ZSCAN32: variants seen among roughly 807,000 people sequenced by gnomAD.
ZSCAN32 encodes the protein zinc finger and SCAN domain containing 32.
In ZSCAN32, 52 loss-of-function variants were observed where a neutral mutation model predicts 47.4. The ratio of observed to expected loss-of-function variants is 1.10; its 90% CI spans 0.88 to 1.38. ZSCAN32 has a LOEUF of 1.38. Among genes scored for constraint, ZSCAN32 ranks in the 40% most tolerant of loss-of-function variants. The pLI, the probability that ZSCAN32 is intolerant of heterozygous loss-of-function variation, is 0.00. For synonymous variants in ZSCAN32, 346 were observed against 305.7 expected (o/e 1.13, Z -1.38); for missense variants, 959 against 846.0 (o/e 1.13, Z -1.66).
At position 3,383,714 on chromosome 16, in the gene ZSCAN32, GAAA is replaced by G; in HGVS notation, c.1235-6_1235-4del. 4.9e-6 allele frequency: 6 copies of G among 1,218,662 alleles called. No individual in the cohort carries two copies. In the South Asian group the frequency reaches 7.9e-5, roughly 16 times the overall value. 75.5% of individuals were successfully genotyped at this position (1,218,662 alleles called of 1,614,324 possible). A position where few individuals can be genotyped will look rare whatever the true frequency, so the allele number is the denominator to read the frequency against. ...AATCTCGTTCTTGAACTCAAAACCT[GAAA>G]AAAAAAAACCCCACAGAAATACAAT... On this transcript the variant is annotated splice_region_variant and splice_polypyrimidine_tract_variant and intron_variant, in intron 6 of 6. Coordinates refer to ENST00000396852, the MANE Select transcript of ZSCAN32 (RefSeq NM_001284527.2).
intron 3 of ZSCAN32, among the ~76,000 whole-genome samples, chr16:3,392,936 T>C (rs1274544510): frequency 2.6e-5 from 4 of 151,106 alleles, no homozygotes; most frequent in African/African-American, 9.7e-5. Flanking sequence ...TGGAAAAGAT[T>C]AAGTTGGATG....
At position 3,393,768 on chromosome 16, in the gene ZSCAN32, G is replaced by A; in HGVS notation, c.413C>T (p.Ala138Val). 1 of 1,550,178 alleles carries A rather than the reference G, an allele frequency of 6.5e-7. No homozygotes were observed. The highest frequency in any genetic ancestry group is 8.7e-7 in the Non-Finnish European group (1 of 1,146,804). Residue 138 changes from alanine (A) to valine (V), a missense_variant, in exon 3 of 7, where the codon GCC (alanine) becomes GTC (valine). Physicochemically the swap from Ala to Val is moderately conservative, Grantham distance 64. Coordinates refer to ENST00000396852, the MANE Select transcript of ZSCAN32 (RefSeq NM_001284527.2). ...TGATTCTCTGGTTGCTCCCAAAGGG[G>A]CCATCTCCTTCATGAGTACTTTCAA... is the stretch of plus-strand genomic sequence containing the variant. Reference protein sequence around the residue: ...KDLKVLMKEMAPLGATRESLR... With the variant: ...KDLKVLMKEMVPLGATRESLR...
rs1181364879 is a variant in ZSCAN32 at position 3,383,086 on chromosome 16, G to A, written c.1860C>T (p.Phe620=). The A allele has an allele frequency of 1.2e-6, 2 of 1,614,074 alleles. No individual in the cohort carries two copies. Among genetic ancestry groups the A allele is most frequent in the African/African-American group, 2.7e-5 (2 of 74,918 alleles). ...CAGTGTGGATGCGCCGGTGAGCACT[G>A]AACTGGGAACTGTTGTTGAATCTCT... ...CGKRFNNSSQ[F]SAHRRIHTGE... The change falls in exon 7 of 7, where the codon TTC becomes TTT. Residue 620 remains phenylalanine, a synonymous_variant. Transcript: ENST00000396852.
chr16:3,384,763 G>C lies in ZSCAN32; in HGVS notation c.930C>G (p.Phe310Leu), dbSNP rs1240215110. The C allele has an allele frequency of 3.1e-6, 5 of 1,614,192 alleles. No homozygotes were observed. The highest frequency in any genetic ancestry group is 4.2e-6 in the Non-Finnish European group (5 of 1,180,040). ...LRTPEQCRTK[F>L]KSLQLSYRKV... ...TGCGGTAACTCAACTGTAGGCTTTT[G>C]AACTTGGTGCGACACTGTTCTGGGG... The change falls in exon 6 of 7, where the codon TTC becomes TTG. Residue 310 changes from phenylalanine (F) to leucine (L), a missense_variant. Transcript: ENST00000396852.
Position 3,397,377 on chromosome 16 carries a change from G to A in ZSCAN32, c.181C>T (p.Leu61Phe), listed in dbSNP as rs1415310844. ...TTCGGCCTCAGCCACTGACAACAGA[G>A]TTCCCAGAGTTTGCTAAAAGCTTCA... Reference protein sequence around the residue: ...PHEAFSKLWELCCQWLRPKTH... With the variant: ...PHEAFSKLWEFCCQWLRPKTH... Residue 61 changes from leucine (L) to phenylalanine (F), a missense_variant, in exon 2 of 7, where the codon CTC becomes TTC. Transcript: ENST00000396852. 2.6e-6 allele frequency: 4 copies of A among 1,555,364 alleles called. No individual in the cohort carries two copies. The highest frequency in any genetic ancestry group is 1.2e-5 in the South Asian group (1 of 84,426).
chr16:3,383,585 C>T lies in ZSCAN32; in HGVS notation c.1361G>A (p.Gly454Asp), dbSNP rs573126996. 6.2e-7 allele frequency: 1 copy of T among 1,613,880 alleles called. No homozygotes were observed. The highest frequency in any genetic ancestry group is 2.2e-5 in the East Asian group (1 of 44,894). Residue 454 changes from glycine (G) to aspartate (D), a missense_variant, in exon 7 of 7, where the codon GGC becomes GAC. Gly to Asp is a moderately conservative substitution (Grantham distance 94, BLOSUM62 -1). Transcript: ENST00000396852. ...TCTTGATGTTGGCTCACTCTCCAAG[C>T]CTTTTTGTAGCTCAGAGTGCCAATA... is the stretch of plus-strand genomic sequence containing the variant. ...GVYWHSELQK[G>D]LESEPTSRRQ... is the part of the protein sequence containing the mutation.
chr16:3,397,689 G>T lies in ZSCAN32; in HGVS notation c.-132C>A. 2.4e-6 allele frequency: 3 copies of T among 1,226,216 alleles called. No homozygotes were observed. The highest frequency in any genetic ancestry group is 3.3e-6 in the Non-Finnish European group (3 of 908,718). The allele number at this position is 1,226,216 out of a possible 1,614,324, so 76.0% of individuals were successfully genotyped here. ...TCTGTAATCCGTGGGACATGAGAGT[G>T]TCAGACATGTGTAGAGACTCACAGC... On this transcript the variant is annotated 5_prime_UTR_variant, in exon 2 of 7. Transcript: ENST00000396852.
rs559354766 is a variant in ZSCAN32, at chr16:3,386,318, T to C, written c.752-1377A>G. Among the ~76,000 whole-genome samples, 32 of 152,210 alleles carry C rather than the reference T, an allele frequency of 2.1e-4. No individual in the cohort carries two copies. In the East Asian group the frequency reaches 5.0e-3, roughly 24 times the overall value. ...AGGTGCTGGAGAGGATGTGGAGAAATAGGAACACTTTTACACTGTTGGTGG... is the reference window on the plus strand; with the variant it reads ...AGGTGCTGGAGAGGATGTGGAGAAACAGGAACACTTTTACACTGTTGGTGG... On this transcript the variant is annotated intron_variant, in intron 5 of 6. Coordinates refer to ENST00000396852, the MANE Select transcript of ZSCAN32 (RefSeq NM_001284527.2).
At chr16:3,400,690 A>G (rs2033814199) in intron 1 of ZSCAN32, among the ~76,000 whole-genome samples, 2 of 152,212 alleles carry the variant, frequency 1.3e-5, no homozygotes, top group Non-Finnish European at 2.9e-5. Flanking sequence ...CAGGGACGAG[A>G]TGAGCAGGGT....
At chr16:3,392,501 T>C (rs998733756) in intron 3 of ZSCAN32, among the ~76,000 whole-genome samples, 2 of 151,938 alleles carry the variant, frequency 1.3e-5, no homozygotes, top group African/African-American at 4.8e-5. Flanking sequence ...GCATAAGCCA[T>C]TGTACCCAGC....
In ZSCAN32 at chr16:3,382,843, C is replaced by T. The variant is rs534266897; in HGVS notation, c.*9G>A. 6.5e-6 allele frequency: 10 copies of T among 1,543,020 alleles called. No homozygotes were observed. In the South Asian group the frequency reaches 8.7e-5, roughly 13 times the overall value. On this transcript the variant is annotated 3_prime_UTR_variant, in exon 7 of 7. Coordinates refer to ENST00000396852, the MANE Select transcript of ZSCAN32 (RefSeq NM_001284527.2). ...CTGAGGAACTTAATCTGACAGTTTA[C>T]CGACACACTCATAACGCATCTCTTC...
At chr16:3,389,333 C>A (rs926361290) in intron 5 of ZSCAN32, among the ~76,000 whole-genome samples, 7 of 152,126 alleles carry the variant, frequency 4.6e-5, no homozygotes, top group Non-Finnish European at 2.9e-5. Context: ...TTGTGTAGTC[C>A]CTCCCACCCT....
rs1005882663 is a variant in ZSCAN32 at position 3,386,847 on chromosome 16, C to T, written c.752-1906G>A. ...TGGAGATATACCTAATGTTAAATGACGAGTTCATGGGTGCAGCACACCAAC... is the reference window on the plus strand; with the variant it reads ...TGGAGATATACCTAATGTTAAATGATGAGTTCATGGGTGCAGCACACCAAC... On this transcript the variant is annotated intron_variant, in intron 5 of 6. Coordinates refer to ENST00000396852, the MANE Select transcript of ZSCAN32 (RefSeq NM_001284527.2). 4.6e-5 allele frequency among the ~76,000 whole-genome samples: 7 copies of T among 150,970 alleles called. No individual in the cohort carries two copies. The East Asian group carries it at 7.8e-4, about 17-fold the overall frequency.
At position 3,383,009 on chromosome 16, in the gene ZSCAN32, G is replaced by A; in HGVS notation, c.1937C>T (p.Ser646Phe). 1 of 1,614,058 alleles carries A rather than the reference G, an allele frequency of 6.2e-7. No homozygotes were observed. Among genetic ancestry groups the A allele is most frequent in the Non-Finnish European group, 8.5e-7 (1 of 1,179,960 alleles). Residue 646 changes from serine (S) to phenylalanine (F), a missense_variant, in exon 7 of 7, where the codon TCC becomes TTC. Ser to Phe is a radical substitution (Grantham distance 155). Coordinates refer to ENST00000396852, the MANE Select transcript of ZSCAN32 (RefSeq NM_001284527.2). ...AVCGKIFNNS[S>F]HFSAHRKTHT... ...GGTTTTTCGGTGGGCACTGAAGTGG[G>A]AGCTATTGTTGAAGATTTTCCCACA...
At chr16:3,399,368 T>C (rs2033672894) in intron 1 of ZSCAN32, among the ~76,000 whole-genome samples, 2 of 151,968 alleles carry the variant, frequency 1.3e-5, no homozygotes. Context: ...AGCTCTTCAT[T>C]TTCTAGGAAT....
intron 1 of ZSCAN32, among the ~76,000 whole-genome samples, chr16:3,398,411 G>A (rs575244013): frequency 5.3e-4 from 81 of 152,248 alleles, no homozygotes; most frequent in African/African-American, 1.8e-3. Context: ...ACCCAACTGC[G>A]TGCCAAAGCC....
chr16:3,384,390 A>G (rs2031672097), intron 6 of ZSCAN32, 69 bp downstream of exon 6: 1 of 1,585,352 alleles, frequency 6.3e-7, no homozygotes, highest in Non-Finnish European at 8.6e-7. Context: ...CTCCTACTCA[A>G]CTGCTAGGCT....
Position 3,383,155 on chromosome 16 carries a change from C to T in ZSCAN32, c.1791G>A (p.Arg597=), listed in dbSNP as rs779618451. 7.4e-6 allele frequency: 12 copies of T among 1,614,028 alleles called. No individual in the cohort carries two copies. The South Asian group carries it at 1.2e-4, about 16-fold the overall frequency. The change falls in exon 7 of 7, where the codon AGG becomes AGA. Residue 597 remains arginine (R), a synonymous_variant. Coordinates refer to ENST00000396852, the MANE Select transcript of ZSCAN32 (RefSeq NM_001284527.2). ...GGTAAGGCTTTTCCCCGGTATGGGT[C>T]CTCTGGTGGACAATGAGGCTGGAAC... The part of the protein sequence containing the change: ...NQSSSLIVHQ[R]THTGEKPYQC...
intron 3 of ZSCAN32, among the ~76,000 whole-genome samples, chr16:3,392,608 A>G (rs1476037738): frequency 6.6e-6 from 1 of 152,132 alleles, no homozygotes; most frequent in Non-Finnish European, 1.5e-5. Flanking sequence ...CAGGTGGATC[A>G]CGAGGTCAGG....
Sources: gnomAD v4.1 joint callset for allele counts (sites outside exome capture counted in the v4.1 genomes callset) on GRCh38, gnomAD v4.1.1 for gene constraint, MANE v1.5 for transcripts, NCBI Gene and HGNC (gene_info 2026-07-23, HGNC 2026-07-21) for gene names.